Variants in IGSF8 observed in about 807,000 individuals in gnomAD.
IGSF8 encodes the protein CD81 partner 3.
A neutral mutation model predicts 55.5 loss-of-function variants in IGSF8; 46 were observed. That is an observed-to-expected ratio of 0.83 (90% CI 0.65 to 1.06). The LOEUF (loss-of-function observed/expected upper bound fraction) is 1.06, where lower values mean the gene tolerates loss of function less well. Among genes scored for constraint, IGSF8 ranks in the 50% least tolerant of loss-of-function variants. The pLI is 0.00. For missense variants in IGSF8, 731 were observed against 832.3 expected (o/e 0.88, Z 1.50); for synonymous variants, 314 against 356.1 (o/e 0.88, Z 1.33).
Position 160,094,284 on chromosome 1 carries a change from C to G in IGSF8, c.443-113G>C. ...CTGTGAGCTCCCAGAGGGCAAAGATCGCATGTTGTATTATTTCTTCTGTAA... is the reference window on the plus strand; with the variant it reads ...CTGTGAGCTCCCAGAGGGCAAAGATGGCATGTTGTATTATTTCTTCTGTAA... On this transcript the variant is annotated intron_variant, in intron 2 of 6. Coordinates refer to ENST00000314485, the MANE Select transcript of IGSF8 (RefSeq NM_052868.6). The surrounding 1 kb of genome is among the most constrained non-coding windows in gnomAD (Gnocchi z 4.0). 1.4e-6 allele frequency: 1 copy of G among 695,554 alleles called. No individual in the cohort carries two copies. Among genetic ancestry groups the G allele is most frequent in the Admixed American group, 2.8e-5 (1 of 35,176 alleles). The allele number at this position is 695,554 out of a possible 1,614,324, so 43.1% of individuals were successfully genotyped here.
upstream of IGSF8, among the ~76,000 whole-genome samples, chr1:160,099,097 C>CG (rs1287494029): frequency 1.4e-5 from 2 of 148,010 alleles, no homozygotes; most frequent in African/African-American, 5.0e-5. Flanking sequence ...CCCTGGACCC[C>CG]GGCCTCGCCC....
chr1:160,098,774 C>G (rs1299865030), upstream of IGSF8: 1,049 of 328,596 alleles, frequency 3.2e-3, 4 homozygotes, highest in Non-Finnish European at 4.0e-3. Context: ...CCCACCCCCG[C>G]CAGACTCCGG....
At chr1:160,095,867 G>C (rs1417714789) in intron 1 of IGSF8, among the ~76,000 whole-genome samples, 1 of 152,216 alleles carries the variant, frequency 6.6e-6, no homozygotes, top group Non-Finnish European at 1.5e-5. Context: ...GGCTGCCCAG[G>C]CAGCTGGGGC....
At position 160,094,200 on chromosome 1, in the gene IGSF8, G is replaced by A. The variant is rs879241279; in HGVS notation, c.443-29C>T. The A allele has an allele frequency of 7.0e-7, 1 of 1,432,608 alleles. No homozygotes were observed. The highest frequency in any genetic ancestry group is 9.5e-7 in the Non-Finnish European group (1 of 1,048,324). 88.7% of individuals were successfully genotyped at this position (1,432,608 alleles called of 1,614,324 possible). ...GAGAGAACAGCTGGAGTGAGGGAGG[G>A]CTGGGAGCTGGCAGCCCTTGTTACT... is the stretch of plus-strand genomic sequence containing the variant. On this transcript the variant is annotated intron_variant, in intron 2 of 6. Coordinates refer to ENST00000314485, the MANE Select transcript of IGSF8 (RefSeq NM_052868.6). This position sits in a 1 kb window ranked among gnomAD's most constrained non-coding sequence, Gnocchi z 4.0.
rs1649989408 is a variant in IGSF8, at chr1:160,091,998, C to CCTCT, written c.1727-64_1727-61dup. Reference sequence around the variant, plus strand: ...CCATCATCCTCCACCCATACACTTGCCTCTGCGCTTTCCCCATCAAGTTCT... The same window carrying CCTCT: ...CCATCATCCTCCACCCATACACTTGCCTCTCTCTGCGCTTTCCCCATCAAGTTCT... On this transcript the variant is annotated intron_variant, in intron 5 of 6. Transcript: ENST00000314485. 1.0e-5 allele frequency: 12 copies of CCTCT among 1,194,062 alleles called. 1 individual carries two copies. The South Asian group carries it at 1.2e-4, about 12-fold the overall frequency. The allele number at this position is 1,194,062 out of a possible 1,614,324, so 74.0% of individuals were successfully genotyped here.
At position 160,095,162 on chromosome 1, in the gene IGSF8, T is replaced by C. The variant is rs745848221; in HGVS notation, c.149A>G (p.Asn50Ser). Reference sequence around the variant, plus strand: ...GGCAGGGCCCTCATAGCCGGTCACATTGCAGGAGATGGAGACAGCTGTGCC... The same window carrying C: ...GGCAGGGCCCTCATAGCCGGTCACACTGCAGGAGATGGAGACAGCTGTGCC... ...VAGTAVSISC[N>S]VTGYEGPAQQ... The change falls in exon 2 of 7, where the codon AAT becomes AGT. Residue 50 changes from asparagine (N) to serine (S), a missense_variant. Transcript: ENST00000314485. 1.6e-5 allele frequency: 26 copies of C among 1,612,958 alleles called. No homozygotes were observed. The East Asian group carries it at 4.9e-4, about 30-fold the overall frequency.
intron 1 of IGSF8, 68 bp downstream of exon 1, chr1:160,098,341 C>T: frequency 6.5e-7 from 1 of 1,534,338 alleles, no homozygotes; most frequent in Non-Finnish European, 8.8e-7. Flanking sequence ...CCCCGAAATG[C>T]TAGGGGGGTG....
chr1:160,092,883 G>C, intron 4 of IGSF8, 41 bp downstream of exon 4: 1 of 1,555,348 alleles, frequency 6.4e-7, no homozygotes, highest in South Asian at 1.2e-5. Context: ...AAAAGGGGTT[G>C]ACAATCCTCG....
In IGSF8 at chr1:160,093,079, G is replaced by A. The variant is rs368782685; in HGVS notation, c.1157C>T (p.Ser386Phe). The A allele has an allele frequency of 2.5e-6, 4 of 1,614,134 alleles. No individual in the cohort carries two copies. The highest frequency in any genetic ancestry group is 3.4e-6 in the Non-Finnish European group (4 of 1,179,972). ...GRHIAMEKVA[S>F]RTYRLRLEAA... is the part of the protein sequence containing the mutation. The stretch of plus-strand genomic sequence containing the variant: ...CTCTAGCCGTAGCCGGTATGTTCTG[G>A]ATGCCACCTTCTCCATGGCAATGTG... The change falls in exon 4 of 7, where the codon TCC becomes TTC. Residue 386 changes from serine to phenylalanine, a missense_variant. Ser to Phe is a radical substitution (Grantham distance 155). Coordinates refer to ENST00000314485, the MANE Select transcript of IGSF8 (RefSeq NM_052868.6).
chr1:160,098,731 C>T (rs1274581948), upstream of IGSF8: 3 of 439,208 alleles, frequency 6.8e-6, no homozygotes, highest in Non-Finnish European at 1.2e-5. Context: ...TCTAGGCCCG[C>T]CCCGCCCCGG....
chr1:160,095,048 T>C lies in IGSF8; in HGVS notation c.263A>G (p.Tyr88Cys). 1.9e-6 allele frequency: 3 copies of C among 1,614,156 alleles called. No individual in the cohort carries two copies. Among genetic ancestry groups the C allele is most frequent in the Non-Finnish European group, 2.5e-6 (3 of 1,180,036 alleles). ...CACCACTCGGGACTTGAAGACAGCA[T>C]AGGAGAACTGGGTATCCTTGGTACT... ...IVSTKDTQFS[Y>C]AVFKSRVVAG... is the part of the protein sequence containing the mutation. Residue 88 changes from tyrosine (Y) to cysteine (C), a missense_variant, in exon 2 of 7, where the codon TAT becomes TGT. By Grantham distance (194) the Tyr-to-Cys change is radical. Transcript: ENST00000314485.
upstream of IGSF8, among the ~76,000 whole-genome samples, chr1:160,099,320 G>A (rs907994262): frequency 8.5e-5 from 13 of 152,176 alleles, no homozygotes; most frequent in African/African-American, 3.1e-4. Context: ...CATAGTCCTC[G>A]CTGCAAACCC....
At chr1:160,092,753 G>A in intron 4 of IGSF8, 58 bp from the exon 5 acceptor site, 1 of 1,565,260 alleles carries the variant, frequency 6.4e-7, no homozygotes. Flanking sequence ...TGGGGTTAGG[G>A]CTGCCGCCAA....
At chr1:160,097,674 G>C (rs945376318) in intron 1 of IGSF8, 2 of 985,080 alleles carry the variant, frequency 2.0e-6, no homozygotes, top group African/African-American at 3.5e-5. Flanking sequence ...ATGCATCCAT[G>C]CAAGATTGGC....
upstream of IGSF8, chr1:160,098,665 G>A: frequency 1.9e-6 from 1 of 537,688 alleles, no homozygotes; most frequent in Non-Finnish European, 3.3e-6. Flanking sequence ...GCCCTCGGCA[G>A]TTCTGAAACC....
rs1650295655 is a variant in IGSF8, at chr1:160,094,764, GT to G, written c.442+104del. The G allele has an allele frequency of 7.7e-7, 1 of 1,290,944 alleles. No homozygotes were observed. The highest frequency in any genetic ancestry group is 1.1e-6 in the Non-Finnish European group (1 of 942,866). The allele number at this position is 1,290,944 out of a possible 1,614,324, so 80.0% of individuals were successfully genotyped here. A position where few individuals can be genotyped will look rare whatever the true frequency, so the allele number is the denominator to read the frequency against. On this transcript the variant is annotated intron_variant, in intron 2 of 6. Transcript: ENST00000314485. This position sits in a 1 kb window ranked among gnomAD's most constrained non-coding sequence, Gnocchi z 4.0. ...ATCACTTAACCTCTTTGGGCCTCAA[GT>G]TCCTTGGCTACAAAACCTAAGGGGC...
At chr1:160,097,925 C>T in intron 1 of IGSF8, 1 of 985,480 alleles carries the variant, frequency 1.0e-6, no homozygotes, top group Non-Finnish European at 1.2e-6. Flanking sequence ...TGATGAAGTG[C>T]GTGGAGCGCA....
At chr1:160,093,371 A>AG in intron 3 of IGSF8, 40 bp from the exon 4 acceptor site, 1 of 1,533,560 alleles carries the variant, frequency 6.5e-7, no homozygotes, top group Non-Finnish European at 8.8e-7. Context: ...TGGAGGCAGG[A>AG]GGGGACACAG....
In IGSF8 at chr1:160,096,473, G is replaced by A. The variant is rs544684670; in HGVS notation, c.65-1227C>T. ...GTGTCACTTTTAGGCCTCCCAGGGG[G>A]ATACCATGGACTTTCTGCAGGAGCT... On this transcript the variant is annotated intron_variant, in intron 1 of 6. Transcript: ENST00000314485. 7.2e-5 allele frequency among the ~76,000 whole-genome samples: 11 copies of A among 152,286 alleles called. No homozygotes were observed. In the East Asian group the frequency reaches 2.1e-3, roughly 29 times the overall value.
Sources: gnomAD v4.1 joint callset for allele counts (sites outside exome capture counted in the v4.1 genomes callset) on GRCh38, gnomAD v4.1.1 for gene constraint, Gnocchi (gnomAD v3.1) non-coding constraint, MANE v1.5 for transcripts, NCBI Gene and HGNC (gene_info 2026-07-23, HGNC 2026-07-21) for gene names.